The following WNK1 variants were observed in gnomAD, a reference collection of about 807,000 sequenced individuals.
The protein encoded by WNK1 is serine/threonine-protein kinase WNK1.
WNK1 carries 38 observed loss-of-function variants against 222.8 expected under a neutral mutation model. The observed-to-expected ratio is 0.17, with a 90% CI of 0.13 to 0.22. The LOEUF is 0.22. Ranked by LOEUF, WNK1 falls within the 10% of genes least tolerant of loss-of-function variation. WNK1 has a pLI of 1.00. For synonymous variants in WNK1, 1,090 were observed against 1,092.9 expected (o/e 1.00, Z 0.05); for missense variants, 2,348 against 2,918.4 (o/e 0.80, Z 4.50).
chr12:896,759 A>G, intron 24 of WNK1, 27 bp downstream of exon 24: 5 of 1,605,834 alleles, frequency 3.1e-6, no homozygotes, highest in South Asian at 1.1e-5. Flanking sequence ...TTGTGAAAGA[A>G]TGTCAGATAA....
intron 1 of WNK1, among the ~76,000 whole-genome samples, chr12:774,865 T>C (rs897150749): frequency 5.9e-5 from 9 of 152,326 alleles, no homozygotes; most frequent in African/African-American, 2.2e-4. Flanking sequence ...CAGGTGCTTT[T>C]CTCCCCTAAC....
intron 20 of WNK1, among the ~76,000 whole-genome samples, chr12:888,092 G>T (rs1257947666): frequency 6.6e-6 from 1 of 152,182 alleles, no homozygotes; most frequent in African/African-American, 2.4e-5. Context: ...AAAATCTTCT[G>T]ACATGAGACA....
chr12:858,973 A>C (rs766429561), intron 5 of WNK1, among the ~76,000 whole-genome samples: 6 of 152,336 alleles, frequency 3.9e-5, no homozygotes, highest in Admixed American at 6.5e-5. Flanking sequence ...CGCCATTACT[A>C]GTATACTATT....
chr12:793,445 A>G (rs1281666151), intron 1 of WNK1, among the ~76,000 whole-genome samples: 2 of 152,202 alleles, frequency 1.3e-5, no homozygotes, highest in Non-Finnish European at 2.9e-5. Context: ...AAAAATAATG[A>G]TAGTATTTCT....
At chr12:886,138 CTAA>C in intron 19 of WNK1, 54 bp downstream of exon 19, 3 of 1,431,786 alleles carry the variant, frequency 2.1e-6, no homozygotes, top group Non-Finnish European at 2.9e-6. Context: ...TTTTTTCTCC[CTAA>C]TGAGTACATT....
chr12:900,763 C>G lies in WNK1; in HGVS notation c.6643+93C>G. 1.7e-5 allele frequency: 25 copies of G among 1,430,218 alleles called. 2 individuals are homozygous for G. The South Asian group carries it at 2.9e-4, about 16-fold the overall frequency. 88.6% of individuals were successfully genotyped at this position (1,430,218 alleles called of 1,614,324 possible). On this transcript the variant is annotated intron_variant, in intron 26 of 27. Coordinates refer to ENST00000315939, the MANE Select transcript of WNK1 (RefSeq NM_018979.4). ...CTGTTAAGGCGGGTTGGGAGACTAG[C>G]TGACCAGAACACAGCCTGTGTGTTG...
At chr12:793,348 A>G (rs1945018739) in intron 1 of WNK1, among the ~76,000 whole-genome samples, 1 of 152,220 alleles carries the variant, frequency 6.6e-6, no homozygotes, top group Non-Finnish European at 1.5e-5. Context: ...CTATAAAGTT[A>G]AAAAGGAGAA....
chr12:808,307 G>A (rs1181175037), intron 1 of WNK1, among the ~76,000 whole-genome samples: 1 of 150,216 alleles, frequency 6.7e-6, no homozygotes. Flanking sequence ...TTTTTCTTTT[G>A]GAGACGGGGT....
At chr12:777,836 C>G (rs1233939248) in intron 1 of WNK1, among the ~76,000 whole-genome samples, 2 of 152,220 alleles carry the variant, frequency 1.3e-5, no homozygotes, top group East Asian at 3.8e-4. Context: ...TGACTTCCAA[C>G]AGTTTACAGT....
At chr12:829,169 C>T (rs1948602582) in intron 3 of WNK1, among the ~76,000 whole-genome samples, 1 of 152,070 alleles carries the variant, frequency 6.6e-6, no homozygotes. Context: ...CTTGGAAATG[C>T]CTAATAATTT....
Position 827,729 on chromosome 12 carries a change from G to A in WNK1, c.1153+467G>A, listed in dbSNP as rs1014929891. ...TTTTTAGTAGAAATGGGGTTTCACC[G>A]TGTTGGCCAGGCTGGTCTCGAACTC... is the stretch of plus-strand genomic sequence containing the variant. On this transcript the variant is annotated intron_variant, in intron 3 of 27. Transcript: ENST00000315939. This position sits in a 1 kb window ranked among gnomAD's most constrained non-coding sequence, Gnocchi z 4.6. Among the ~76,000 whole-genome samples the A allele has an allele frequency of 5.3e-5, 8 of 151,834 alleles. No homozygotes were observed. The highest frequency in any genetic ancestry group is 8.8e-5 in the Non-Finnish European group (6 of 67,942).
At chr12:835,886 A>G (rs1949139366) in intron 4 of WNK1, among the ~76,000 whole-genome samples, 1 of 152,086 alleles carries the variant, frequency 6.6e-6, no homozygotes, top group Admixed American at 6.5e-5. Context: ...CCCAGGAGAC[A>G]GAAATTGCAG....
At position 815,081 on chromosome 12, in the gene WNK1, G is replaced by A. The variant is rs73023555; in HGVS notation, c.932+1267G>A. ...GTGGTAATGCGAGCAGTGAGGGAGC[G>A]GCTGTAAATACAGATGAAGCTTTGC... is the stretch of plus-strand genomic sequence containing the variant. On this transcript the variant is annotated intron_variant, in intron 2 of 27. Transcript: ENST00000315939. Among the ~76,000 whole-genome samples, 836 of 152,236 alleles carry A rather than the reference G, an allele frequency of 5.5e-3. 3 individuals carry two copies. The highest frequency in any genetic ancestry group is 0.01 in the South Asian group (50 of 4,820).
At chr12:763,095 C>T (rs1941247370) in intron 1 of WNK1, among the ~76,000 whole-genome samples, 1 of 147,090 alleles carries the variant, frequency 6.8e-6, no homozygotes, top group Non-Finnish European at 1.5e-5. Flanking sequence ...CAAGACCTCC[C>T]GTGGATACCT....
chr12:847,019 G>C (rs997419095), intron 4 of WNK1, among the ~76,000 whole-genome samples: 2 of 152,136 alleles, frequency 1.3e-5, no homozygotes, highest in African/African-American at 4.8e-5. Flanking sequence ...TCCAGTACTA[G>C]GGGGCTATAT....
intron 2 of WNK1, among the ~76,000 whole-genome samples, chr12:826,113 T>G (rs1269023252): frequency 6.6e-6 from 1 of 152,238 alleles, no homozygotes; most frequent in South Asian, 2.1e-4. Context: ...GATTTCCTCC[T>G]TTCCTTTCTA....
At chr12:808,114 G>T (rs557119260) in intron 1 of WNK1, among the ~76,000 whole-genome samples, 1 of 149,568 alleles carries the variant, frequency 6.7e-6, no homozygotes, top group African/African-American at 2.4e-5. Flanking sequence ...AAGACCTCCT[G>T]CAAGACCTCA....
At chr12:900,020 T>TC (rs1555160433) in intron 25 of WNK1, among the ~76,000 whole-genome samples, 91 of 145,134 alleles carry the variant, frequency 6.3e-4, no homozygotes, top group East Asian at 3.2e-3. Context: ...TCTTTTCTTT[T>TC]TTTTTTTTTT....
intron 5 of WNK1, among the ~76,000 whole-genome samples, chr12:858,963 C>T (rs1199853046): frequency 6.6e-6 from 1 of 152,074 alleles, no homozygotes; most frequent in South Asian, 2.1e-4. Flanking sequence ...TGTGTTAGCT[C>T]GCCATTACTA....
Sources: gnomAD v4.1 joint callset for allele counts (sites outside exome capture counted in the v4.1 genomes callset) on GRCh38, gnomAD v4.1.1 for gene constraint, Gnocchi (gnomAD v3.1) non-coding constraint, MANE v1.5 for transcripts, NCBI Gene and HGNC (gene_info 2026-07-23, HGNC 2026-07-21) for gene names.